Variants in MARK4 observed in about 807,000 individuals in gnomAD.
MARK4 encodes the protein microtubule affinity regulating kinase 4, also known as MAP/microtubule affinity-regulating kinase 4.
In MARK4, 19 loss-of-function variants were observed where a neutral mutation model predicts 81.5. The ratio of observed to expected loss-of-function variants is 0.23; its 90% CI spans 0.16 to 0.34. MARK4 has a LOEUF of 0.34. Ranked by LOEUF, MARK4 falls within the 10% of genes least tolerant of loss-of-function variation. MARK4 has a pLI of 1.00. For missense variants in MARK4, 772 were observed against 1,058.8 expected, an observed-to-expected ratio of 0.73 and a Z score of 3.76; for synonymous variants, 436 against 439.0, an observed-to-expected ratio of 0.99 and a Z score of 0.08.
intron 13 of MARK4, 31 bp downstream of exon 13, chr19:45,287,695 G>C: frequency 1.3e-6 from 2 of 1,591,626 alleles, no homozygotes; most frequent in Non-Finnish European, 1.7e-6. Flanking sequence ...GGCAGGGCTG[G>C]GGGCGCCACC....
At chr19:45,282,579 G>A (rs1970690310) in intron 12 of MARK4, among the ~76,000 whole-genome samples, 1 of 152,050 alleles carries the variant, frequency 6.6e-6, no homozygotes, top group African/African-American at 2.4e-5. Context: ...TGTAATCCCA[G>A]CACTTTAGGA....
At chr19:45,254,577 A>G (rs1970284166) in intron 1 of MARK4, among the ~76,000 whole-genome samples, 1 of 152,112 alleles carries the variant, frequency 6.6e-6, no homozygotes, top group Admixed American at 6.6e-5. Context: ...ACCTTGGGGG[A>G]GGGACTCCCC....
At chr19:45,278,161 G>A in intron 9 of MARK4, 119 bp downstream of exon 9, 1 of 1,426,656 alleles carries the variant, frequency 7.0e-7, no homozygotes, top group South Asian at 1.2e-5. Context: ...GCCCACCGAA[G>A]ATCTGCTGCT....
chr19:45,251,755 C>A, intron 1 of MARK4, 116 bp downstream of exon 1: 1 of 913,938 alleles, frequency 1.1e-6, no homozygotes, highest in Non-Finnish European at 1.6e-6. Flanking sequence ...CCCGACCCGG[C>A]TCGTCACCTC....
intron 8 of MARK4, 44 bp from the exon 9 acceptor site, chr19:45,277,879 G>A: frequency 6.3e-7 from 1 of 1,579,108 alleles, no homozygotes; most frequent in Non-Finnish European, 8.6e-7. Flanking sequence ...GTAATAGGTG[G>A]GGGGCGGGGC....
chr19:45,286,354 C>G (rs1970742689), intron 12 of MARK4, among the ~76,000 whole-genome samples: 1 of 150,750 alleles, frequency 6.6e-6, no homozygotes, highest in African/African-American at 2.4e-5. Flanking sequence ...GCGCCTGGCC[C>G]TGTTATGGGT....
intron 12 of MARK4, among the ~76,000 whole-genome samples, chr19:45,285,957 G>A (rs1447031972): frequency 1.3e-5 from 2 of 152,186 alleles, no homozygotes; most frequent in Non-Finnish European, 2.9e-5. Flanking sequence ...CCTTGAAAAT[G>A]TGTTAGTTTG....
intron 1 of MARK4, 162 bp from the exon 2 acceptor site, chr19:45,258,827 C>T (rs1248197455): frequency 8.5e-6 from 6 of 703,054 alleles, no homozygotes; most frequent in Middle Eastern, 4.1e-4. Context: ...TTCCTGGAGG[C>T]GTCTTTTTGT....
intron 12 of MARK4, among the ~76,000 whole-genome samples, chr19:45,281,367 C>CTTTTTTTTTTTT (rs71173137): frequency 1.5e-5 from 2 of 132,056 alleles, no homozygotes; most frequent in African/African-American, 3.0e-5. Flanking sequence ...TCTTTTCTTT[C>CTTTTTTTTTTTT]TTTTTTTTTT....
chr19:45,303,448 G>T lies in MARK4; in HGVS notation c.*738G>T, dbSNP rs1167939622. The T allele has an allele frequency of 6.6e-6, 1 of 152,186 alleles. No individual in the cohort carries two copies. Among genetic ancestry groups the T allele is most frequent in the Non-Finnish European group, 1.5e-5 (1 of 68,066 alleles). The allele number at this position is 152,186 out of a possible 1,614,324, so 9.4% of individuals were successfully genotyped here. On this transcript the variant is annotated 3_prime_UTR_variant, in exon 17 of 17. Coordinates refer to ENST00000262891, the MANE Select transcript of MARK4 (RefSeq NM_001199867.2). ...AAGAGGCGTGGGAATCCAGGCAGTG[G>T]TTTTTCCTTTCGGAGCCTCGGTTTT...
At chr19:45,277,357 T>C (rs963116616) in intron 8 of MARK4, among the ~76,000 whole-genome samples, 4 of 152,046 alleles carry the variant, frequency 2.6e-5, no homozygotes, top group African/African-American at 9.6e-5. Context: ...GGATTACAGG[T>C]GTGAGCCACC....
chr19:45,280,344 C>G, intron 10 of MARK4, 30 bp from the exon 11 acceptor site: 1 of 1,587,428 alleles, frequency 6.3e-7, no homozygotes, highest in Non-Finnish European at 8.6e-7. Context: ...TTCTGGGAGT[C>G]TGAAACTTCT....
At chr19:45,291,649 G>T (rs1043657158) in intron 13 of MARK4, among the ~76,000 whole-genome samples, 15 of 152,186 alleles carry the variant, frequency 9.9e-5, no homozygotes, top group Admixed American at 7.2e-4. Context: ...GGGCTTGGTG[G>T]CGGGCACCTG....
chr19:45,269,654 A>C (rs1970499886), intron 7 of MARK4, among the ~76,000 whole-genome samples: 2 of 152,046 alleles, frequency 1.3e-5, no homozygotes, highest in Non-Finnish European at 2.9e-5. Context: ...TTGTAGTCAG[A>C]AGGCTGGAGG....
chr19:45,262,965 G>T, intron 2 of MARK4, 148 bp from the exon 3 acceptor site: 1 of 828,008 alleles, frequency 1.2e-6, no homozygotes, highest in Non-Finnish European at 1.9e-6. Context: ...GGGTTTCGTC[G>T]TGTTGACCAG....
At position 45,280,789 on chromosome 19, in the gene MARK4, T is replaced by TA. The variant is rs150863220; in HGVS notation, c.1276+56dup. 1.9e-3 allele frequency: 2,990 copies of TA among 1,598,072 alleles called. 48 individuals carry two copies. The African/African-American group carries it at 0.035, about 19-fold the overall frequency. On this transcript the variant is annotated intron_variant, in intron 12 of 16. Coordinates refer to ENST00000262891, the MANE Select transcript of MARK4 (RefSeq NM_001199867.2). ...CCTCCTTCTCCCCAAGGCCCAGACT[T>TA]ACAGTTACGTCAGGGTTCTCTGATT... is the stretch of plus-strand genomic sequence containing the variant.
Position 45,303,057 on chromosome 19 carries a change from T to G in MARK4, c.*347T>G. The G allele has an allele frequency of 6.7e-6, 2 of 296,714 alleles. No individual in the cohort carries two copies. Among genetic ancestry groups the G allele is most frequent in the Non-Finnish European group, 1.3e-5 (2 of 158,310 alleles). 18.4% of individuals were successfully genotyped at this position (296,714 alleles called of 1,614,324 possible). On this transcript the variant is annotated 3_prime_UTR_variant, in exon 17 of 17. Transcript: ENST00000262891. ...CCTCCCAACAGCTCAAAATTAGGCC[T>G]TGGGCAGGGGCAGGGAGAGCTGCTG...
At chr19:45,283,152 G>A (rs955836838) in intron 12 of MARK4, among the ~76,000 whole-genome samples, 7 of 152,086 alleles carry the variant, frequency 4.6e-5, no homozygotes, top group East Asian at 3.9e-4. Flanking sequence ...GCTCATGCCC[G>A]TAATCCTAGC....
At chr19:45,283,364 G>A (rs568683700) in intron 12 of MARK4, among the ~76,000 whole-genome samples, 2 of 142,612 alleles carry the variant, frequency 1.4e-5, no homozygotes, top group African/African-American at 2.6e-5. Flanking sequence ...AGCTGAGATC[G>A]CGCCACTACA....
Sources: gnomAD v4.1 joint callset for allele counts (sites outside exome capture counted in the v4.1 genomes callset) on GRCh38, gnomAD v4.1.1 for gene constraint, MANE v1.5 for transcripts, NCBI Gene and HGNC (gene_info 2026-07-23, HGNC 2026-07-21) for gene names.